Variants in SLC28A3 observed in about 807,000 individuals in gnomAD.
SLC28A3 encodes solute carrier family 28 member 3.
In SLC28A3, 68 loss-of-function variants were observed where a neutral mutation model predicts 84.2. The observed-to-expected ratio is 0.81, with a 90% CI of 0.66 to 0.99. The LOEUF (loss-of-function observed/expected upper bound fraction) is 0.99, where lower values mean the gene tolerates loss of function less well. Ranked by LOEUF, SLC28A3 falls within the 50% of genes least tolerant of loss-of-function variation. The pLI, the probability that SLC28A3 is intolerant of heterozygous loss-of-function variation, is 0.00. For synonymous variants in SLC28A3, 267 were observed against 303.6 expected, an observed-to-expected ratio of 0.88 and a Z score of 1.25; for missense variants, 712 against 841.5, an observed-to-expected ratio of 0.85 and a Z score of 1.90.
chr9:84,314,946 A>G (rs576256862), intron 1 of SLC28A3, among the ~76,000 whole-genome samples: 10 of 152,278 alleles, frequency 6.6e-5, no homozygotes, highest in South Asian at 6.2e-4. Context: ...GCGTGGTGGC[A>G]GGTGCTTGTA....
Position 84,340,568 on chromosome 9 carries a change from G to T in SLC28A3, c.60+6C>A, listed in dbSNP as rs1340514749. ...GCCTTTAACATAAGAGGAAAGCTCTGCTCACCTGGAAGCCCACGTTGCTGT... is the reference window on the plus strand; with the variant it reads ...GCCTTTAACATAAGAGGAAAGCTCTTCTCACCTGGAAGCCCACGTTGCTGT... On this transcript the variant is annotated splice_donor_region_variant and intron_variant, in intron 1 of 17. Coordinates refer to ENST00000376238, the MANE Select transcript of SLC28A3 (RefSeq NM_001199633.2). 1.9e-6 allele frequency: 3 copies of T among 1,614,034 alleles called. No individual in the cohort carries two copies. The East Asian group carries it at 6.7e-5, about 36-fold the overall frequency.
At position 84,297,218 on chromosome 9, in the gene SLC28A3, T is replaced by C. The variant is rs779250265; in HGVS notation, c.861+3A>G. 9.3e-6 allele frequency: 15 copies of C among 1,611,138 alleles called. No individual in the cohort carries two copies. In the Admixed American group the frequency reaches 2.4e-4, roughly 25 times the overall value. ...ACTACATAGAAAAAAGGTTTGACTT[T>C]ACCTTAAATGCAAAGAAGTGGTCTT... On this transcript the variant is annotated splice_donor_region_variant and intron_variant, in intron 8 of 17. Coordinates refer to ENST00000376238, the MANE Select transcript of SLC28A3 (RefSeq NM_001199633.2).
intron 1 of SLC28A3, among the ~76,000 whole-genome samples, chr9:84,323,419 G>A (rs889427425): frequency 7.0e-6 from 1 of 143,412 alleles, no homozygotes; most frequent in Non-Finnish European, 1.5e-5. Flanking sequence ...TTATGATTCA[G>A]TACATGATTT....
At chr9:84,281,206 G>A (rs1443923113) in intron 14 of SLC28A3, among the ~76,000 whole-genome samples, 1 of 152,094 alleles carries the variant, frequency 6.6e-6, no homozygotes, top group East Asian at 1.9e-4. Flanking sequence ...GTGTGCCAGG[G>A]ACAGGACTAG....
At position 84,313,459 on chromosome 9, in the gene SLC28A3, G is replaced by T. The variant is rs768215778; in HGVS notation, c.61-5C>A. On this transcript the variant is annotated splice_polypyrimidine_tract_variant and splice_region_variant and intron_variant, in intron 1 of 17. Transcript: ENST00000376238. ...CTCAAGAAAGTTTTCTTCATTCTAA[G>T]AAAAAAGTGCAGATTGAAAAAATAA... 10 of 1,609,886 alleles carry T rather than the reference G, an allele frequency of 6.2e-6. No homozygotes were observed. The highest frequency in any genetic ancestry group is 8.5e-6 in the Non-Finnish European group (10 of 1,178,268).
At chr9:84,320,040 G>GTTTTTTTTT (rs1182939298) in intron 1 of SLC28A3, among the ~76,000 whole-genome samples, 5 of 59,608 alleles carry the variant, frequency 8.4e-5, no homozygotes, top group African/African-American at 4.9e-4. Context: ...GGCTTGCACT[G>GTTTTTTTTT]TTTTTTTTTT....
the SLC28A3 span, among the ~76,000 whole-genome samples, chr9:84,363,472 C>T: frequency 5.3e-5 from 8 of 152,140 alleles, no homozygotes; most frequent in Non-Finnish European, 7.4e-5. Context: ...TCAACCAAAA[C>T]GGTACAGCAA....
intron 12 of SLC28A3, among the ~76,000 whole-genome samples, chr9:84,287,311 T>G (rs1464176363): frequency 6.6e-6 from 1 of 152,178 alleles, no homozygotes. Context: ...TTCAGACACA[T>G]GTTGGTTGCT....
the SLC28A3 span, among the ~76,000 whole-genome samples, chr9:84,367,579 C>T: frequency 2.6e-5 from 4 of 152,222 alleles, no homozygotes; most frequent in South Asian, 4.2e-4. Flanking sequence ...ACTCAGCATG[C>T]GAGGACCTGC....
intron 5 of SLC28A3, 132 bp downstream of exon 5, chr9:84,302,068 G>C (rs1825652809): frequency 2.6e-6 from 2 of 771,896 alleles, no homozygotes; most frequent in Non-Finnish European, 4.1e-6. Context: ...CATTGTAACA[G>C]ATTACTTCCT....
chr9:84,357,247 GATTTCACAA>G, the SLC28A3 span, among the ~76,000 whole-genome samples: 1 of 152,166 alleles, frequency 6.6e-6, no homozygotes, highest in African/African-American at 2.4e-5. Context: ...CTCTAAGCTT[GATTTCACAA>G]TCTTCATTCA....
intron 1 of SLC28A3, among the ~76,000 whole-genome samples, chr9:84,336,202 A>C (rs1826970883): frequency 6.6e-6 from 1 of 152,058 alleles, no homozygotes; most frequent in African/African-American, 2.4e-5. Flanking sequence ...CGATTTCTAC[A>C]AAAAAATACA....
At chr9:84,282,049 G>C (rs186099598) in intron 14 of SLC28A3, among the ~76,000 whole-genome samples, 1 of 152,332 alleles carries the variant, frequency 6.6e-6, no homozygotes, top group East Asian at 1.9e-4. Context: ...GGCTGAGGCA[G>C]GAGAATCACT....
At chr9:84,295,177 C>A (rs1448003876) in intron 8 of SLC28A3, among the ~76,000 whole-genome samples, 1 of 152,168 alleles carries the variant, frequency 6.6e-6, no homozygotes, top group African/African-American at 2.4e-5. Flanking sequence ...TGACCTTATG[C>A]AGTAAACATT....
At chr9:84,299,529 A>G (rs1825542620) in intron 6 of SLC28A3, 52 bp downstream of exon 6, 3 of 1,604,262 alleles carry the variant, frequency 1.9e-6, no homozygotes, top group Non-Finnish European at 2.6e-6. Flanking sequence ...TGAGCAATTT[A>G]CACATGGGGA....
intron 1 of SLC28A3, among the ~76,000 whole-genome samples, chr9:84,321,815 G>T (rs1198628945): frequency 1.3e-5 from 2 of 151,938 alleles, no homozygotes; most frequent in African/African-American, 4.8e-5. Flanking sequence ...ACTTTGGGAG[G>T]CTGAGGTGGG....
intron 1 of SLC28A3, among the ~76,000 whole-genome samples, chr9:84,323,793 CCTTCCCCA>C (rs1564172919): frequency 1.3e-5 from 2 of 151,682 alleles, no homozygotes; most frequent in South Asian, 2.1e-4. Flanking sequence ...CCTCCCTTGA[CCTTCCCCA>C]ATGACATCCC....
Position 84,302,293 on chromosome 9 carries a change from C to T in SLC28A3, c.431G>A (p.Trp144Ter). 6.2e-7 allele frequency: 1 copy of T among 1,614,152 alleles called. No individual in the cohort carries two copies. The highest frequency in any genetic ancestry group is 1.3e-5 in the African/African-American group (1 of 75,044). Residue 144 changes from tryptophan (W) to a stop codon, truncating the protein, a stop_gained, in exon 5 of 18, where the codon TGG (tryptophan) becomes TAG (stop). Transcript: ENST00000376238. LOFTEE classifies it high-confidence loss of function. ...ITVAAIFFVV[W>*]DHLMAKYEHR... ...TTCGTATTTGGCCATCAGGTGATCCCAGACAACAAAGAAGATGGCAGCCAC... is the reference window on the plus strand; with the variant it reads ...TTCGTATTTGGCCATCAGGTGATCCTAGACAACAAAGAAGATGGCAGCCAC...
the SLC28A3 span, among the ~76,000 whole-genome samples, chr9:84,364,239 C>T: frequency 2.7e-3 from 405 of 151,420 alleles, 12 homozygotes; most frequent in Middle Eastern, 3.4e-3. Context: ...ATTCTCCTGC[C>T]TCAGCCTCCC....
Sources: gnomAD v4.1 joint callset for allele counts (sites outside exome capture counted in the v4.1 genomes callset) on GRCh38, gnomAD v4.1.1 for gene constraint, MANE v1.5 for transcripts, NCBI Gene and HGNC (gene_info 2026-07-23, HGNC 2026-07-21) for gene names.